Variants in PCNX2 observed in about 807,000 individuals in gnomAD.
The protein encoded by PCNX2 is pecanex-like protein 2.
In PCNX2, 168 loss-of-function variants were observed where a neutral mutation model predicts 223.8. The ratio of observed to expected loss-of-function variants is 0.75; its 90% confidence interval spans 0.66 to 0.85. The LOEUF (loss-of-function observed/expected upper bound fraction) is 0.85, where lower values mean the gene tolerates loss of function less well. Among genes scored for constraint, PCNX2 ranks in the 40% least tolerant of loss-of-function variants. The pLI is 0.00. For missense variants in PCNX2, 2,507 were observed against 2,675.5 expected (o/e 0.94, Z 1.39); for synonymous variants, 1,006 against 1,052.6 (o/e 0.96, Z 0.86).
chr1:233,016,577 C>T (rs190640385), intron 27 of PCNX2, among the ~76,000 whole-genome samples: 12 of 152,202 alleles, frequency 7.9e-5, no homozygotes, highest in South Asian at 2.1e-4. Flanking sequence ...TTCAGTAAAT[C>T]CCCCTGATTT....
chr1:233,110,523 T>G (rs549938446), intron 21 of PCNX2, among the ~76,000 whole-genome samples: 1 of 152,240 alleles, frequency 6.6e-6, no homozygotes, highest in African/African-American at 2.4e-5. Flanking sequence ...CAAGAGCTGT[T>G]CAAGAAAGTT....
At chr1:233,214,589 G>C (rs753366092) in intron 12 of PCNX2, among the ~76,000 whole-genome samples, 2 of 152,112 alleles carry the variant, frequency 1.3e-5, no homozygotes, top group African/African-American at 2.4e-5. Flanking sequence ...ACTGTCTCTT[G>C]GATATTCTAC....
At chr1:233,178,038 GT>G in intron 16 of PCNX2, 140 bp from the exon 17 acceptor site, 1 of 653,364 alleles carries the variant, frequency 1.5e-6, no homozygotes, top group East Asian at 2.7e-5. Flanking sequence ...ATAAAAAGAG[GT>G]GCATGTTCAA....
chr1:233,285,722 CAT>C (rs1463211477), intron 1 of PCNX2, among the ~76,000 whole-genome samples: 3 of 152,168 alleles, frequency 2.0e-5, no homozygotes, highest in Admixed American at 6.5e-5. Flanking sequence ...AAGCCAAACA[CAT>C]GTTTAGGTTG....
At chr1:233,034,496 T>C (rs547080482) in intron 25 of PCNX2, among the ~76,000 whole-genome samples, 1 of 152,338 alleles carries the variant, frequency 6.6e-6, no homozygotes, top group East Asian at 1.9e-4. Context: ...TATGGTATAG[T>C]TGATGCAGCA....
upstream of PCNX2, among the ~76,000 whole-genome samples, chr1:233,298,599 A>C (rs1358355630): frequency 3.3e-5 from 5 of 152,186 alleles, no homozygotes; most frequent in Non-Finnish European, 7.3e-5. Flanking sequence ...TTAAAACCTA[A>C]GTATGCTGGC....
At chr1:233,284,949 C>G in intron 1 of PCNX2, 1 of 985,054 alleles carries the variant, frequency 1.0e-6, no homozygotes, top group Non-Finnish European at 1.2e-6. Flanking sequence ...TCCCAGTCAA[C>G]CCAAAATGAA....
At chr1:232,987,732 C>T (rs1217069949) in intron 32 of PCNX2, among the ~76,000 whole-genome samples, 4 of 152,302 alleles carry the variant, frequency 2.6e-5, no homozygotes, top group African/African-American at 7.2e-5. Context: ...ATACACATTA[C>T]GAAGGGGATT....
At chr1:233,229,843 AT>A (rs1304577876) in intron 9 of PCNX2, among the ~76,000 whole-genome samples, 1 of 151,896 alleles carries the variant, frequency 6.6e-6, no homozygotes, top group Non-Finnish European at 1.5e-5. Context: ...AAAAGAAATG[AT>A]TTCACTTCTT....
chr1:233,125,077 T>C (rs763116383), intron 21 of PCNX2, among the ~76,000 whole-genome samples: 8 of 152,220 alleles, frequency 5.3e-5, no homozygotes, highest in African/African-American at 7.2e-5. Context: ...ACAGAGTACC[T>C]GACCTTGAAG....
chr1:233,195,255 A>G (rs371019900), intron 15 of PCNX2, among the ~76,000 whole-genome samples: 7 of 152,336 alleles, frequency 4.6e-5, no homozygotes, highest in African/African-American at 1.7e-4. Flanking sequence ...AAAAAGTGAC[A>G]AAATTTAACA....
At chr1:233,317,192 T>C in the PCNX2 span, among the ~76,000 whole-genome samples, 1 of 152,154 alleles carries the variant, frequency 6.6e-6, no homozygotes, top group East Asian at 1.9e-4. Context: ...GGCAGGCGAA[T>C]CAGCTGAGGT....
At chr1:233,129,884 C>T (rs59065638) in intron 21 of PCNX2, among the ~76,000 whole-genome samples, 19,840 of 152,156 alleles carry the variant, frequency 0.13, 1,403 homozygotes, top group East Asian at 0.2. Flanking sequence ...GCTGCCAGAG[C>T]CAGCAGTGGC....
chr1:233,112,774 T>C (rs1675188330), intron 21 of PCNX2: 1 of 1,178,152 alleles, frequency 8.5e-7, no homozygotes, highest in Non-Finnish European at 1.1e-6. Context: ...TAAGCAAAAA[T>C]GAAGAAAAAA....
chr1:233,207,510 AATACCGGAGCAATC>A (rs1681548721), intron 13 of PCNX2, among the ~76,000 whole-genome samples: 3 of 152,220 alleles, frequency 2.0e-5, no homozygotes, highest in Non-Finnish European at 4.4e-5. Context: ...CCGTCGGGTC[AATACCGGAGCAATC>A]ACTTTGCATA....
intron 17 of PCNX2, among the ~76,000 whole-genome samples, chr1:233,167,336 AAGAGAG>A (rs71821384): frequency 1.7e-4 from 25 of 149,072 alleles, no homozygotes; most frequent in East Asian, 5.9e-4. Context: ...GTAGAATCTA[AAGAGAG>A]AGAGAGAGAG....
intron 19 of PCNX2, among the ~76,000 whole-genome samples, chr1:233,143,221 A>G (rs1023267515): frequency 6.6e-6 from 1 of 152,186 alleles, no homozygotes. Flanking sequence ...CAGACAATAT[A>G]CCCAGAGTCA....
chr1:233,199,470 C>T (rs986252028), intron 14 of PCNX2, among the ~76,000 whole-genome samples: 5 of 151,336 alleles, frequency 3.3e-5, no homozygotes, highest in Admixed American at 1.3e-4. Flanking sequence ...TGTGTGTGTA[C>T]GTGTATGTGT....
chr1:233,219,044 ACT>A (rs1657206802), intron 10 of PCNX2, among the ~76,000 whole-genome samples: 1 of 152,046 alleles, frequency 6.6e-6, no homozygotes, highest in Admixed American at 6.6e-5. Context: ...TCGGGTCCAC[ACT>A]GTCTCACTGG....
Sources: allele counts gnomAD v4.1 joint callset (sites outside exome capture counted in the v4.1 genomes callset), GRCh38; gene constraint gnomAD v4.1.1; transcripts MANE v1.5; gene names NCBI Gene and HGNC (gene_info 2026-07-23, HGNC 2026-07-21).